The following MSRA variants were observed in gnomAD, a reference collection of about 807,000 sequenced individuals.
MSRA encodes methionine sulfoxide reductase A.
Under a neutral mutation model 31.3 loss-of-function variants are expected in MSRA, and 54 were observed. The ratio of observed to expected loss-of-function variants is 1.73; its 90% CI spans 1.39 to 2.17. The LOEUF (loss-of-function observed/expected upper bound fraction) is 2.17. MSRA is among the 30% of genes most tolerant of loss of function. The pLI, the probability that MSRA is intolerant of heterozygous loss-of-function variation, is 0.00. For synonymous variants in MSRA, 169 were observed against 116.5 expected (o/e 1.45, Z -2.90); for missense variants, 507 against 300.9 (o/e 1.69, Z -5.07).
rs570197735 is a variant in MSRA, at chr8:10,257,944, C to CCA, written c.331+12731_331+12732dup. Among the ~76,000 whole-genome samples the CCA allele has an allele frequency of 4.9e-3, 749 of 152,250 alleles. 9 individuals carry two copies. Among genetic ancestry groups the CCA allele is most frequent in the African/African-American group, 0.017 (720 of 41,560 alleles). ...AGCAGGAGATGAGTTCATGAGATTT[C>CCA]CACACACACACGTTGATGGCCTTTA... On this transcript the variant is annotated intron_variant, in intron 3 of 5. Transcript: ENST00000317173.
chr8:10,075,398 A>G (rs1440718541), intron 1 of MSRA, among the ~76,000 whole-genome samples: 2 of 152,230 alleles, frequency 1.3e-5, no homozygotes. Flanking sequence ...TTCTAGCACA[A>G]ACATCTTTAG....
At chr8:10,288,874 A>G (rs947871115) in intron 3 of MSRA, among the ~76,000 whole-genome samples, 3 of 152,200 alleles carry the variant, frequency 2.0e-5, no homozygotes, top group African/African-American at 7.2e-5. Flanking sequence ...TGCAGAATGA[A>G]TAGGCAATTT....
intron 3 of MSRA, among the ~76,000 whole-genome samples, chr8:10,249,746 T>C (rs1275468524): frequency 6.6e-6 from 1 of 152,170 alleles, no homozygotes; most frequent in East Asian, 1.9e-4. Context: ...CTCTAAGAGA[T>C]GTGCTGAGAA....
chr8:10,211,568 C>G (rs1051729021), intron 2 of MSRA, among the ~76,000 whole-genome samples: 4 of 152,156 alleles, frequency 2.6e-5, no homozygotes, highest in Admixed American at 2.6e-4. Flanking sequence ...GTCTTTGTTC[C>G]TGGTAGCTGT....
intron 5 of MSRA, among the ~76,000 whole-genome samples, chr8:10,324,001 G>A (rs1321594697): frequency 6.6e-6 from 1 of 152,160 alleles, no homozygotes; most frequent in Admixed American, 6.5e-5. Context: ...AGATTCCACT[G>A]GGAGATGAGT....
chr8:10,367,983 G>C lies in MSRA; in HGVS notation c.543+47994G>C, dbSNP rs1045009422. 4.6e-5 allele frequency among the ~76,000 whole-genome samples: 7 copies of C among 152,186 alleles called. No homozygotes were observed. The South Asian group carries it at 1.0e-3, about 23-fold the overall frequency. The stretch of plus-strand genomic sequence containing the variant: ...GACTTGTGGGTGAAGATGGCAATGG[G>C]GCCAATGCTAGCCCATCAGGAAGGG... On this transcript the variant is annotated intron_variant, in intron 5 of 5. Coordinates refer to ENST00000317173, the MANE Select transcript of MSRA (RefSeq NM_012331.5).
intron 3 of MSRA, among the ~76,000 whole-genome samples, chr8:10,254,187 C>T (rs1033092974): frequency 5.3e-5 from 8 of 152,126 alleles, no homozygotes; most frequent in East Asian, 3.9e-4. Context: ...TCAGCGTCTT[C>T]GTTCTTTGAG....
At chr8:10,123,976 A>G (rs994776549) in intron 1 of MSRA, among the ~76,000 whole-genome samples, 7 of 151,252 alleles carry the variant, frequency 4.6e-5, no homozygotes, top group Non-Finnish European at 7.4e-5. Context: ...GAGATCAGGG[A>G]GGAGTAGGTG....
intron 1 of MSRA, among the ~76,000 whole-genome samples, chr8:10,201,550 C>G (rs1808503385): frequency 6.6e-6 from 1 of 152,176 alleles, no homozygotes; most frequent in African/African-American, 2.4e-5. Flanking sequence ...GGACAGGGAG[C>G]TCATCCCTGA....
At chr8:10,368,359 A>G (rs956033152) in intron 5 of MSRA, among the ~76,000 whole-genome samples, 6 of 152,262 alleles carry the variant, frequency 3.9e-5, no homozygotes, top group Admixed American at 2.0e-4. Context: ...TAAGATGTGC[A>G]GATAAGATGG....
At chr8:10,129,943 A>T (rs956626019) in intron 1 of MSRA, among the ~76,000 whole-genome samples, 1 of 152,178 alleles carries the variant, frequency 6.6e-6, no homozygotes, top group Admixed American at 6.5e-5. Context: ...GACATAAAAT[A>T]TATAGAAGCA....
chr8:10,115,979 A>G lies in MSRA; in HGVS notation c.142+61321A>G, dbSNP rs200726883. On this transcript the variant is annotated intron_variant, in intron 1 of 5. Transcript: ENST00000317173. ...ATAGTTGCCGTCCCCTTCACCTCCCACTTGATTCACGCATGGTGGCTCGAG... is the reference window on the plus strand; with the variant it reads ...ATAGTTGCCGTCCCCTTCACCTCCCGCTTGATTCACGCATGGTGGCTCGAG... Among the ~76,000 whole-genome samples the G allele has an allele frequency of 4.6e-5, 7 of 152,318 alleles. No individual in the cohort carries two copies. In the East Asian group the frequency reaches 1.4e-3, roughly 29 times the overall value.
chr8:10,318,344 C>T (rs377361253), intron 4 of MSRA, among the ~76,000 whole-genome samples: 19 of 152,274 alleles, frequency 1.2e-4, no homozygotes, highest in African/African-American at 4.3e-4. Flanking sequence ...AGACCTCGCA[C>T]AGGGAAGTAC....
At chr8:10,399,424 T>A (rs1342658027) in intron 5 of MSRA, among the ~76,000 whole-genome samples, 1 of 152,196 alleles carries the variant, frequency 6.6e-6, no homozygotes, top group African/African-American at 2.4e-5. Context: ...TAGCGCCATC[T>A]CCTTGGTGAT....
At chr8:10,270,868 G>C (rs961536271) in intron 3 of MSRA, among the ~76,000 whole-genome samples, 4 of 152,180 alleles carry the variant, frequency 2.6e-5, no homozygotes, top group African/African-American at 9.6e-5. Flanking sequence ...TGTGCTGCAG[G>C]GGAGAGGCAC....
chr8:10,079,150 A>G (rs1367668053), intron 1 of MSRA, among the ~76,000 whole-genome samples: 2 of 152,034 alleles, frequency 1.3e-5, no homozygotes, highest in African/African-American at 2.4e-5. Context: ...GGCTCAGCAT[A>G]TGATGTGGTA....
chr8:10,284,824 G>T (rs1799848618), intron 3 of MSRA, among the ~76,000 whole-genome samples: 1 of 152,088 alleles, frequency 6.6e-6, no homozygotes, highest in Non-Finnish European at 1.5e-5. Context: ...TTGGCTTGAT[G>T]GGAGAATTAG....
chr8:10,114,079 C>T (rs1401726465), intron 1 of MSRA, among the ~76,000 whole-genome samples: 1 of 152,200 alleles, frequency 6.6e-6, no homozygotes, highest in Non-Finnish European at 1.5e-5. Flanking sequence ...TGGTCATTGG[C>T]ATCTGGCTTC....
At chr8:10,385,439 C>G (rs187096304) in intron 5 of MSRA, among the ~76,000 whole-genome samples, 1 of 152,108 alleles carries the variant, frequency 6.6e-6, no homozygotes, top group South Asian at 2.1e-4. Flanking sequence ...GTCAGAATGA[C>G]GGGTGGTACA....
Sources: allele counts gnomAD v4.1 joint callset (sites outside exome capture counted in the v4.1 genomes callset), GRCh38; gene constraint gnomAD v4.1.1; transcripts MANE v1.5; gene names NCBI Gene and HGNC (gene_info 2026-07-23, HGNC 2026-07-21).